CADM2: variants seen among roughly 807,000 people sequenced by gnomAD.
CADM2 encodes the protein immunoglobulin superfamily member 4D.
Under a neutral mutation model 49.8 loss-of-function variants are expected in CADM2, and 12 were observed. The ratio of observed to expected loss-of-function variants is 0.24; its 90% confidence interval spans 0.15 to 0.39. The LOEUF (loss-of-function observed/expected upper bound fraction) is 0.39, where lower values mean the gene tolerates loss of function less well. CADM2 is among the 10% of genes least tolerant of loss of function. The pLI, the probability that CADM2 is intolerant of heterozygous loss-of-function variation, is 1.00. For missense variants in CADM2, 378 were observed against 492.3 expected (o/e 0.77, Z 2.20); for synonymous variants, 214 against 175.4 (o/e 1.22, Z -1.74).
intron 1 of CADM2, among the ~76,000 whole-genome samples, chr3:85,590,811 A>C (rs2107341144): frequency 6.6e-6 from 1 of 152,126 alleles, no homozygotes; most frequent in East Asian, 1.9e-4. Flanking sequence ...CAACAAAAAT[A>C]ATGTTAATAG....
chr3:85,607,718 G>A (rs902111729), intron 1 of CADM2, among the ~76,000 whole-genome samples: 9 of 151,234 alleles, frequency 6.0e-5, no homozygotes, highest in African/African-American at 1.9e-4. Flanking sequence ...GTGCAGTGGC[G>A]CCATCTCAGC....
chr3:85,363,403 T>C (rs2032497372), intron 1 of CADM2, among the ~76,000 whole-genome samples: 1 of 152,092 alleles, frequency 6.6e-6, no homozygotes, highest in Admixed American at 6.5e-5. Context: ...CACCTGTGGA[T>C]TGCATCTATA....
intron 1 of CADM2, among the ~76,000 whole-genome samples, chr3:85,115,565 A>T (rs2038609671): frequency 6.6e-6 from 1 of 152,338 alleles, no homozygotes; most frequent in South Asian, 2.1e-4. Context: ...AAGACCCAAG[A>T]TAAGCACTTA....
intron 2 of CADM2, among the ~76,000 whole-genome samples, chr3:85,780,811 A>T (rs1288626916): frequency 6.6e-6 from 1 of 152,124 alleles, no homozygotes; most frequent in Non-Finnish European, 1.5e-5. Context: ...TTGATCATGT[A>T]TCCCTGTATC....
intron 8 of CADM2, among the ~76,000 whole-genome samples, chr3:85,962,411 T>C (rs1455106077): frequency 6.6e-6 from 1 of 152,002 alleles, no homozygotes; most frequent in Non-Finnish European, 1.5e-5. Context: ...TAGCAATAAC[T>C]GCATCAATTT....
At chr3:85,185,461 A>T (rs2041039005) in intron 1 of CADM2, among the ~76,000 whole-genome samples, 1 of 152,132 alleles carries the variant, frequency 6.6e-6, no homozygotes, top group African/African-American at 2.4e-5. Flanking sequence ...TTCCCATATC[A>T]TATGCAGCAT....
intron 1 of CADM2, among the ~76,000 whole-genome samples, chr3:85,326,005 TG>T (rs1254937618): frequency 6.6e-6 from 1 of 152,184 alleles, no homozygotes; most frequent in African/African-American, 2.4e-5. Flanking sequence ...ACCTCATGTT[TG>T]AAACATAAAT....
intron 1 of CADM2, among the ~76,000 whole-genome samples, chr3:85,165,085 G>T (rs1314896476): frequency 6.6e-6 from 1 of 151,354 alleles, no homozygotes; most frequent in Non-Finnish European, 1.5e-5. Flanking sequence ...CAGTATAATG[G>T]GATTTTAAGT....
chr3:85,284,298 A>G (rs2043575036), intron 1 of CADM2, among the ~76,000 whole-genome samples: 1 of 152,156 alleles, frequency 6.6e-6, no homozygotes, highest in African/African-American at 2.4e-5. Context: ...TTCAATACTT[A>G]CTAAACACCA....
At chr3:85,077,018 A>T (rs1307891274) in intron 1 of CADM2, among the ~76,000 whole-genome samples, 1 of 152,204 alleles carries the variant, frequency 6.6e-6, no homozygotes, top group Non-Finnish European at 1.5e-5. Flanking sequence ...GCAATTTTAG[A>T]ATACATTGTA....
chr3:85,212,886 C>CTT (rs775133101), intron 1 of CADM2, among the ~76,000 whole-genome samples: 800 of 77,846 alleles, frequency 0.01, 47 homozygotes, highest in African/African-American at 0.064. Context: ...TTCTTTCTTT[C>CTT]TCTTTCTTTC....
intron 1 of CADM2, among the ~76,000 whole-genome samples, chr3:85,310,862 C>A (rs1269778327): frequency 6.6e-6 from 1 of 152,034 alleles, no homozygotes; most frequent in Non-Finnish European, 1.5e-5. Context: ...TAGCTTTTCT[C>A]TATTAGTTTA....
intron 1 of CADM2, among the ~76,000 whole-genome samples, chr3:85,709,167 T>A (rs1473060612): frequency 6.6e-6 from 1 of 152,142 alleles, no homozygotes; most frequent in Non-Finnish European, 1.5e-5. Flanking sequence ...TTTTTCAACT[T>A]GGCTTTTAAG....
chr3:85,097,797 T>A (rs2037858863), intron 1 of CADM2, among the ~76,000 whole-genome samples: 1 of 152,220 alleles, frequency 6.6e-6, no homozygotes, highest in Non-Finnish European at 1.5e-5. Flanking sequence ...AGTTGAGTGG[T>A]CTTTTCCTAT....
chr3:85,494,972 T>C (rs970888968), intron 1 of CADM2, among the ~76,000 whole-genome samples: 1 of 152,206 alleles, frequency 6.6e-6, no homozygotes, highest in Non-Finnish European at 1.5e-5. Flanking sequence ...ATATTTTTGA[T>C]TTTGCTATAA....
chr3:85,980,064 G>T (rs1439482002), intron 8 of CADM2, among the ~76,000 whole-genome samples: 1 of 151,338 alleles, frequency 6.6e-6, no homozygotes, highest in African/African-American at 2.4e-5. Flanking sequence ...AAAAAAAAAT[G>T]AAGCCATTAT....
intron 1 of CADM2, among the ~76,000 whole-genome samples, chr3:85,661,187 C>T (rs1459446581): frequency 6.6e-6 from 1 of 151,986 alleles, no homozygotes; most frequent in African/African-American, 2.4e-5. Context: ...TAAATAACAT[C>T]AACACATAGG....
chr3:85,219,629 C>T (rs1455958886), intron 1 of CADM2, among the ~76,000 whole-genome samples: 1 of 152,070 alleles, frequency 6.6e-6, no homozygotes, highest in Non-Finnish European at 1.5e-5. Flanking sequence ...AAATTGTAGT[C>T]ATTAGACAAA....
rs75468498 is a variant in CADM2 at position 85,650,337 on chromosome 3, G to T, written c.62-76185G>T. Among the ~76,000 whole-genome samples the T allele has an allele frequency of 3.6e-3, 544 of 152,170 alleles. 14 individuals carry two copies. Among genetic ancestry groups the T allele is most frequent in the East Asian group, 0.027 (141 of 5,154 alleles). On this transcript the variant is annotated intron_variant, in intron 1 of 9. Coordinates refer to ENST00000383699, the MANE Select transcript of CADM2 (RefSeq NM_001167675.2). ...TTTTGAACAGGCTTTAATAATAATT[G>T]TGTTTTAAAAGACAAGCAAATACAA...
Sources: gnomAD v4.1 joint callset for allele counts (sites outside exome capture counted in the v4.1 genomes callset) on GRCh38, gnomAD v4.1.1 for gene constraint, MANE v1.5 for transcripts, NCBI Gene and HGNC (gene_info 2026-07-23, HGNC 2026-07-21) for gene names.